The following EPHA6 variants were observed in gnomAD, a reference collection of about 807,000 sequenced individuals.
EPHA6 encodes the protein ephrin type-A receptor 6.
A neutral mutation model predicts 112.0 loss-of-function variants in EPHA6; 50 were observed. The observed-to-expected ratio is 0.45, with a 90% confidence interval of 0.36 to 0.56. EPHA6 has a LOEUF of 0.56. Among genes scored for constraint, EPHA6 ranks in the 20% least tolerant of loss-of-function variants. The probability of loss-of-function intolerance (pLI) is 0.00; values close to 1 mark genes in which losing one functional copy is unlikely to be tolerated. For synonymous variants in EPHA6, 529 were observed against 490.7 expected, an observed-to-expected ratio of 1.08 and a Z score of -1.03; for missense variants, 1,280 against 1,417.4, an observed-to-expected ratio of 0.90 and a Z score of 1.56.
intron 3 of EPHA6, among the ~76,000 whole-genome samples, chr3:97,007,694 G>A (rs192812682): frequency 1.3e-5 from 2 of 152,264 alleles, no homozygotes; most frequent in African/African-American, 4.8e-5. Flanking sequence ...TTTCTTCACA[G>A]TGTCTTTGGT....
chr3:96,899,156 T>A (rs556726156), intron 2 of EPHA6, among the ~76,000 whole-genome samples: 10 of 151,854 alleles, frequency 6.6e-5, no homozygotes, highest in African/African-American at 1.9e-4. Flanking sequence ...AGGAAAAAAA[T>A]TTTTCTTGCC....
intron 2 of EPHA6, among the ~76,000 whole-genome samples, chr3:96,903,157 T>G (rs2107578582): frequency 6.6e-6 from 1 of 152,290 alleles, no homozygotes; most frequent in East Asian, 1.9e-4. Context: ...CTGAGCCATC[T>G]GGGTATCTGC....
intron 5 of EPHA6, among the ~76,000 whole-genome samples, chr3:97,247,496 A>G (rs980371854): frequency 2.0e-5 from 3 of 151,884 alleles, no homozygotes; most frequent in East Asian, 3.9e-4. Flanking sequence ...CCATCTTACC[A>G]AGGAAGCAAC....
At chr3:97,201,124 G>C (rs2077568364) in intron 3 of EPHA6, among the ~76,000 whole-genome samples, 1 of 152,090 alleles carries the variant, frequency 6.6e-6, no homozygotes, top group Non-Finnish European at 1.5e-5. Flanking sequence ...GTATTAGCTT[G>C]ACAATTGTTC....
At chr3:96,842,695 C>T (rs1414054997) in intron 1 of EPHA6, among the ~76,000 whole-genome samples, 1 of 151,918 alleles carries the variant, frequency 6.6e-6, no homozygotes, top group Non-Finnish European at 1.5e-5. Context: ...TAATTTCTTC[C>T]CTTAAGAACT....
intron 5 of EPHA6, chr3:97,244,575 T>C: frequency 2.5e-6 from 1 of 392,248 alleles, no homozygotes; most frequent in Non-Finnish European, 4.5e-6. Flanking sequence ...AAGTCCATAT[T>C]ACTTACCAAT....
intron 12 of EPHA6, among the ~76,000 whole-genome samples, chr3:97,597,418 G>A (rs763071614): frequency 3.9e-5 from 6 of 152,034 alleles, no homozygotes; most frequent in African/African-American, 1.2e-4. Context: ...CTATATTTGC[G>A]ATTACTGAGT....
Position 97,026,895 on chromosome 3 carries a change from C to A in EPHA6, c.1114+38902C>A, listed in dbSNP as rs557599150. Reference sequence around the variant, plus strand: ...GACACTGTGGTGATTCTTCAAAGACCTAAAGACAAAAATACCATTCAACCC... The same window carrying A: ...GACACTGTGGTGATTCTTCAAAGACATAAAGACAAAAATACCATTCAACCC... On this transcript the variant is annotated intron_variant, in intron 3 of 17. Transcript: ENST00000389672. Among the ~76,000 whole-genome samples, 6 of 152,188 alleles carry A rather than the reference C, an allele frequency of 3.9e-5. No homozygotes were observed. In the South Asian group the frequency reaches 1.2e-3, roughly 32 times the overall value.
intron 2 of EPHA6, among the ~76,000 whole-genome samples, chr3:96,936,401 A>C (rs1452466754): frequency 1.3e-5 from 2 of 152,062 alleles, no homozygotes; most frequent in Non-Finnish European, 2.9e-5. Flanking sequence ...CCTAAAAAAA[A>C]ATCAAGCTGT....
chr3:96,977,211 T>A (rs1206943380), intron 2 of EPHA6, among the ~76,000 whole-genome samples: 1 of 152,086 alleles, frequency 6.6e-6, no homozygotes. Flanking sequence ...TTAAGTTTGG[T>A]CTAATTTAAA....
chr3:96,845,625 G>T (rs1385705955), intron 1 of EPHA6, among the ~76,000 whole-genome samples: 3 of 151,936 alleles, frequency 2.0e-5, no homozygotes, highest in Non-Finnish European at 4.4e-5. Context: ...ATCTTTACTT[G>T]CTAGGAAAAC....
intron 11 of EPHA6, among the ~76,000 whole-genome samples, chr3:97,553,392 A>G (rs1406820110): frequency 1.3e-5 from 2 of 152,044 alleles, no homozygotes; most frequent in African/African-American, 4.8e-5. Context: ...AACCCCAGAT[A>G]CTACTTATTT....
At chr3:97,385,495 G>A (rs560206809) in intron 5 of EPHA6, among the ~76,000 whole-genome samples, 1 of 152,272 alleles carries the variant, frequency 6.6e-6, no homozygotes, top group South Asian at 2.1e-4. Flanking sequence ...GGTGAAAAGA[G>A]GTAAGAAGTT....
At chr3:97,713,078 G>C (rs1283645685) in intron 14 of EPHA6, among the ~76,000 whole-genome samples, 1 of 151,656 alleles carries the variant, frequency 6.6e-6, no homozygotes, top group Non-Finnish European at 1.5e-5. Flanking sequence ...TAGGCTTAGA[G>C]TTAGGGTGGG....
intron 3 of EPHA6, among the ~76,000 whole-genome samples, chr3:97,132,429 T>C (rs962669123): frequency 1.3e-5 from 2 of 152,094 alleles, no homozygotes; most frequent in Non-Finnish European, 2.9e-5. Flanking sequence ...AATCATTCAT[T>C]CAACTTAGTC....
intron 5 of EPHA6, among the ~76,000 whole-genome samples, chr3:97,355,671 C>T (rs1048837915): frequency 6.6e-6 from 1 of 152,096 alleles, no homozygotes; most frequent in African/African-American, 2.4e-5. Context: ...AGGAGTAAGT[C>T]CTTACTTACC....
intron 3 of EPHA6, among the ~76,000 whole-genome samples, chr3:97,078,518 A>G (rs1159567256): frequency 6.6e-6 from 1 of 152,054 alleles, no homozygotes; most frequent in Non-Finnish European, 1.5e-5. Flanking sequence ...TAGGGTTTTT[A>G]TGGTTTTAGG....
chr3:96,910,767 T>C (rs1448293261), intron 2 of EPHA6, among the ~76,000 whole-genome samples: 1 of 152,046 alleles, frequency 6.6e-6, no homozygotes, highest in East Asian at 1.9e-4. Context: ...CAATTCATCA[T>C]GTTATATCCC....
intron 5 of EPHA6, among the ~76,000 whole-genome samples, chr3:97,270,705 T>C (rs747091373): frequency 2.4e-4 from 37 of 152,218 alleles, no homozygotes; most frequent in Non-Finnish European, 3.4e-4. Flanking sequence ...TTCTTAACTA[T>C]TTATACTCAG....
Sources: allele counts gnomAD v4.1 joint callset (sites outside exome capture counted in the v4.1 genomes callset), GRCh38; gene constraint gnomAD v4.1.1; transcripts MANE v1.5; gene names NCBI Gene and HGNC (gene_info 2026-07-23, HGNC 2026-07-21).